The following POU2AF2 variants were observed in gnomAD, a reference collection of about 807,000 sequenced individuals.
POU2AF2 encodes the protein POU domain class 2-associating factor 2.
chr11:111,282,856 C>T, the POU2AF2 span, among the ~76,000 whole-genome samples: 2 of 152,106 alleles, frequency 1.3e-5, no homozygotes, highest in African/African-American at 4.8e-5. Flanking sequence ...ACAATTAAAC[C>T]ATCAGTTTTA....
chr11:111,285,103 G>C, the POU2AF2 span, among the ~76,000 whole-genome samples: 1 of 152,224 alleles, frequency 6.6e-6, no homozygotes, highest in African/African-American at 2.4e-5. Flanking sequence ...GATGAGCAAT[G>C]TCGGGCTCAG....
the POU2AF2 span, among the ~76,000 whole-genome samples, chr11:111,276,459 T>A: frequency 0.12 from 4,383 of 37,608 alleles, 150 homozygotes; most frequent in Middle Eastern, 0.17. Flanking sequence ...AAAAAATATA[T>A]ATATATATAT....
At chr11:111,279,915 C>A in the POU2AF2 span, among the ~76,000 whole-genome samples, 5 of 151,310 alleles carry the variant, frequency 3.3e-5, no homozygotes, top group Non-Finnish European at 7.4e-5. Flanking sequence ...GTGGTGCGTG[C>A]CTGTAATCCC....
the POU2AF2 span, among the ~76,000 whole-genome samples, chr11:111,249,222 G>T: frequency 6.6e-6 from 1 of 152,106 alleles, no homozygotes; most frequent in Non-Finnish European, 1.5e-5. Flanking sequence ...TGCAGGTGTG[G>T]ATTCTTTAAA....
chr11:111,264,404 A>G, the POU2AF2 span, among the ~76,000 whole-genome samples: 13 of 151,530 alleles, frequency 8.6e-5, no homozygotes, highest in Non-Finnish European at 1.9e-4. Flanking sequence ...GCTGAGGCAC[A>G]AGAATCGCTT....
the POU2AF2 span, among the ~76,000 whole-genome samples, chr11:111,270,450 G>A: frequency 5.3e-5 from 8 of 152,202 alleles, no homozygotes; most frequent in Admixed American, 3.3e-4. Context: ...ATGAGACAGG[G>A]TGCACAAAAC....
At chr11:111,262,814 C>G in the POU2AF2 span, among the ~76,000 whole-genome samples, 4 of 152,154 alleles carry the variant, frequency 2.6e-5, no homozygotes, top group Non-Finnish European at 5.9e-5. Context: ...CTGTGTATAA[C>G]TGATGTTTGC....
chr11:111,248,436 G>A, the POU2AF2 span, among the ~76,000 whole-genome samples: 1 of 152,142 alleles, frequency 6.6e-6, no homozygotes, highest in African/African-American at 2.4e-5. Context: ...GCATCTCCCT[G>A]ACAGGCAGAG....
At chr11:111,270,218 C>T in the POU2AF2 span, among the ~76,000 whole-genome samples, 1 of 152,152 alleles carries the variant, frequency 6.6e-6, no homozygotes, top group African/African-American at 2.4e-5. Context: ...TAAGTTGTTG[C>T]ACCAACAAGT....
At chr11:111,268,365 C>T in the POU2AF2 span, among the ~76,000 whole-genome samples, 1 of 152,030 alleles carries the variant, frequency 6.6e-6, no homozygotes, top group African/African-American at 2.4e-5. Flanking sequence ...TAACCTGAAC[C>T]GACCCTACAA....
chr11:111,262,438 T>G, the POU2AF2 span, among the ~76,000 whole-genome samples: 1 of 152,282 alleles, frequency 6.6e-6, no homozygotes, highest in Non-Finnish European at 1.5e-5. Flanking sequence ...GCTGCTTTGC[T>G]ATACCAATTG....
chr11:111,252,082 CAAAGT>C, the POU2AF2 span, among the ~76,000 whole-genome samples: 1 of 152,178 alleles, frequency 6.6e-6, no homozygotes, highest in African/African-American at 2.4e-5. Context: ...CTTTAAAAAG[CAAAGT>C]AGAGACAGTC....
the POU2AF2 span, among the ~76,000 whole-genome samples, chr11:111,285,467 G>A: frequency 6.6e-6 from 1 of 152,214 alleles, no homozygotes; most frequent in East Asian, 1.9e-4. Flanking sequence ...TAATTCTAGA[G>A]TAGGAAGGGA....
chr11:111,272,581 C>A, the POU2AF2 span, among the ~76,000 whole-genome samples: 231 of 152,294 alleles, frequency 1.5e-3, no homozygotes, highest in African/African-American at 5.3e-3. Context: ...CAGAGTCTGG[C>A]GGGAAGTGGC....
chr11:111,250,618 G>A, the POU2AF2 span, among the ~76,000 whole-genome samples: 2 of 152,172 alleles, frequency 1.3e-5, no homozygotes, highest in Non-Finnish European at 2.9e-5. Context: ...AACAATAGAT[G>A]TACTCCATAA....
At chr11:111,246,971 C>G in the POU2AF2 span, among the ~76,000 whole-genome samples, 1 of 152,142 alleles carries the variant, frequency 6.6e-6, no homozygotes, top group African/African-American at 2.4e-5. Context: ...TTTCCTCCCC[C>G]ACCTCAATCC....
the POU2AF2 span, among the ~76,000 whole-genome samples, chr11:111,263,927 G>A: frequency 6.6e-6 from 1 of 152,174 alleles, no homozygotes; most frequent in Non-Finnish European, 1.5e-5. Flanking sequence ...TTTAATATTT[G>A]CCAAGGGCTT....
the POU2AF2 span, chr11:111,281,330 T>C: frequency 7.5e-7 from 1 of 1,335,728 alleles, no homozygotes; most frequent in Non-Finnish European, 1.1e-6. Context: ...TTATAAGGTG[T>C]ATTCCTAATT....
At chr11:111,280,055 A>ATATATATAT in the POU2AF2 span, among the ~76,000 whole-genome samples, 6 of 65,728 alleles carry the variant, frequency 9.1e-5, no homozygotes, top group South Asian at 7.3e-4. Context: ...AAAAAAAAAA[A>ATATATATAT]AAATATATAT....
Sources: allele counts gnomAD v4.1 joint callset (sites outside exome capture counted in the v4.1 genomes callset), GRCh38; gene constraint gnomAD v4.1.1; transcripts MANE v1.5; gene names NCBI Gene and HGNC (gene_info 2026-07-23, HGNC 2026-07-21).